ASH1L: variants seen among roughly 807,000 people sequenced by gnomAD.
ASH1L encodes ASH1 like histone lysine methyltransferase.
In ASH1L, 23 loss-of-function variants were observed where a neutral mutation model predicts 269.0. That is an observed-to-expected ratio of 0.09 (90% CI 0.06 to 0.12). ASH1L has a LOEUF of 0.12. ASH1L is among the 10% of genes least tolerant of loss of function. ASH1L has a pLI of 1.00. For synonymous variants in ASH1L, 1,187 were observed against 1,253.5 expected (o/e 0.95, Z 1.12); for missense variants, 2,912 against 3,567.8 (o/e 0.82, Z 4.68).
chr1:155,429,444 T>C (rs950979737), intron 5 of ASH1L, among the ~76,000 whole-genome samples: 7 of 152,084 alleles, frequency 4.6e-5, no homozygotes, highest in Non-Finnish European at 1.0e-4. Flanking sequence ...GGCTAACTTT[T>C]TGTATTCTTA....
chr1:155,527,655 G>A (rs1669357402), intron 1 of ASH1L, among the ~76,000 whole-genome samples: 1 of 149,492 alleles, frequency 6.7e-6, no homozygotes, highest in African/African-American at 2.5e-5. Context: ...TCCTGCCTCA[G>A]ACCCCAAGTA....
intron 7 of ASH1L, among the ~76,000 whole-genome samples, chr1:155,389,383 A>C (rs1657711744): frequency 6.6e-6 from 1 of 152,016 alleles, no homozygotes; most frequent in Non-Finnish European, 1.5e-5. Context: ...TTAAGACTTT[A>C]AAAAAGAGGC....
chr1:155,433,619 G>A (rs1381005772), intron 5 of ASH1L: 18 of 1,608,714 alleles, frequency 1.1e-5, no homozygotes, highest in South Asian at 7.8e-5. Flanking sequence ...GAAAGAACTC[G>A]AACAATTTGC....
chr1:155,534,472 T>C (rs570125034), intron 1 of ASH1L, among the ~76,000 whole-genome samples: 26 of 151,630 alleles, frequency 1.7e-4, no homozygotes, highest in African/African-American at 5.8e-4. Context: ...AAATGGTAAA[T>C]GGTATGGTGG....
intron 7 of ASH1L, among the ~76,000 whole-genome samples, chr1:155,383,441 C>G (rs2148453161): frequency 6.6e-6 from 1 of 152,120 alleles, no homozygotes; most frequent in Non-Finnish European, 1.5e-5. Context: ...TTTACTGTAC[C>G]TTTTCTACAT....
intron 5 of ASH1L, among the ~76,000 whole-genome samples, chr1:155,422,490 TA>T (rs1459267193): frequency 6.6e-6 from 1 of 151,500 alleles, no homozygotes. Flanking sequence ...TCAGATGATT[TA>T]CATGCCTCTG....
chr1:155,384,981 G>A (rs1657301134), intron 7 of ASH1L, among the ~76,000 whole-genome samples: 1 of 151,766 alleles, frequency 6.6e-6, no homozygotes, highest in African/African-American at 2.4e-5. Context: ...TGTATACGCT[G>A]AGTAATATGT....
At chr1:155,440,874 A>G (rs977210092) in intron 4 of ASH1L, among the ~76,000 whole-genome samples, 6 of 152,172 alleles carry the variant, frequency 3.9e-5, no homozygotes, top group African/African-American at 1.4e-4. Flanking sequence ...TCCTCCATCC[A>G]GATTCCCTAC....
chr1:155,429,391 G>C (rs903899327), intron 5 of ASH1L, among the ~76,000 whole-genome samples: 2 of 152,008 alleles, frequency 1.3e-5, no homozygotes, highest in African/African-American at 4.8e-5. Context: ...CTCCCACTTG[G>C]CTTCCTGAGT....
intron 3 of ASH1L, among the ~76,000 whole-genome samples, chr1:155,461,032 A>G (rs536355017): frequency 6.6e-6 from 1 of 152,200 alleles, no homozygotes; most frequent in Non-Finnish European, 1.5e-5. Context: ...AAAAACTAGT[A>G]ATCTGAAATG....
intron 2 of ASH1L, among the ~76,000 whole-genome samples, chr1:155,501,542 T>C (rs1320925527): frequency 2.0e-5 from 3 of 152,174 alleles, no homozygotes; most frequent in Admixed American, 2.0e-4. Flanking sequence ...GGCTAATTTT[T>C]ATATTTTTAG....
At position 155,480,618 on chromosome 1, in the gene ASH1L, G is replaced by A. The variant is rs777681770; in HGVS notation, c.2252C>T (p.Ser751Leu). The change falls in exon 3 of 28, where the codon TCA becomes TTA. Residue 751 changes from serine to leucine, a missense_variant. Ser to Leu is a moderately radical substitution (Grantham distance 145). This residue lies in a region of ASH1L where 715 missense variants were observed against 721.0 expected (regional missense o/e 0.99). Transcript: ENST00000392403. Reference sequence around the variant, plus strand: ...CTTGGCTGGCTCAGAATTACTATTTGATAGTGAGCTACATGAAACGTTTTT... The same window carrying A: ...CTTGGCTGGCTCAGAATTACTATTTAATAGTGAGCTACATGAAACGTTTTT... ...LFKNVSCSSL[S>L]NSNSEPAKFM... 3 of 1,614,112 alleles carry A rather than the reference G, an allele frequency of 1.9e-6. No individual in the cohort carries two copies. Among genetic ancestry groups the A allele is most frequent in the Admixed American group, 3.3e-5 (2 of 60,014 alleles).
In ASH1L at chr1:155,483,625, A is replaced by G. The variant is rs79168654; in HGVS notation, c.421-1176T>C. ...TGCATTTAACTACATCCTTTGACCC[A>G]GAAATCCTACTTTGAGGGTCTACCC... On this transcript the variant is annotated intron_variant, in intron 2 of 27. Coordinates refer to ENST00000392403, the MANE Select transcript of ASH1L (RefSeq NM_018489.3). 7.2e-3 allele frequency among the ~76,000 whole-genome samples: 1,102 copies of G among 152,206 alleles called. 15 individuals are homozygous for G. Among genetic ancestry groups the G allele is most frequent in the African/African-American group, 0.025 (1,048 of 41,558 alleles).
Position 155,403,786 on chromosome 1 carries a change from G to T in ASH1L, c.6009-8233C>A, listed in dbSNP as rs191096375. Among the ~76,000 whole-genome samples the T allele has an allele frequency of 2.3e-3, 355 of 151,912 alleles. 1 individual carries two copies. The highest frequency in any genetic ancestry group is 7.9e-3 in the African/African-American group (328 of 41,422). On this transcript the variant is annotated intron_variant, in intron 6 of 27. Transcript: ENST00000392403. Reference sequence around the variant, plus strand: ...TTGTGTGTGGGAGAGCTTTTCTAATGACTTGAAATACAGAAGCTTTTTTTG... The same window carrying T: ...TTGTGTGTGGGAGAGCTTTTCTAATTACTTGAAATACAGAAGCTTTTTTTG...
intron 5 of ASH1L, among the ~76,000 whole-genome samples, chr1:155,438,038 AG>A (rs1662238509): frequency 1.3e-5 from 2 of 152,042 alleles, no homozygotes; most frequent in South Asian, 2.1e-4. Flanking sequence ...TAGTAGAGAA[AG>A]GGTTTACCAT....
intron 5 of ASH1L, among the ~76,000 whole-genome samples, chr1:155,421,596 G>A (rs560513236): frequency 7.3e-5 from 11 of 151,404 alleles, no homozygotes; most frequent in East Asian, 1.9e-4. Flanking sequence ...GCATGAACCC[G>A]GGAGGCAGAG....
chr1:155,498,206 AG>A (rs1168097130), intron 2 of ASH1L, among the ~76,000 whole-genome samples: 1 of 152,142 alleles, frequency 6.6e-6, no homozygotes, highest in Non-Finnish European at 1.5e-5. Context: ...AAAACAGAAT[AG>A]TGGTTGCCAG....
chr1:155,506,721 A>T (rs1161067938), intron 2 of ASH1L, among the ~76,000 whole-genome samples: 2 of 152,142 alleles, frequency 1.3e-5, no homozygotes, highest in African/African-American at 4.8e-5. Context: ...AAGAAACATT[A>T]ATCTACCAGT....
Position 155,479,537 on chromosome 1 carries a change from A to C in ASH1L, c.3333T>G (p.Ser1111=). The C allele has an allele frequency of 1.2e-6, 2 of 1,614,228 alleles. No homozygotes were observed. Among genetic ancestry groups the C allele is most frequent in the Non-Finnish European group, 1.7e-6 (2 of 1,180,036 alleles). Residue 1111 remains serine, a synonymous_variant, in exon 3 of 28, where the codon TCT becomes TCG. Transcript: ENST00000392403. The part of the protein sequence containing the change: ...EILPSPICSQ[S]SGTSGGQSPV... ...GGCTCTGACCTCCACTAGTCCCAGA[A>C]GACTGAGAGCAAATAGGTGATGGAA...
Sources: allele counts gnomAD v4.1 joint callset (sites outside exome capture counted in the v4.1 genomes callset), GRCh38; gene constraint gnomAD v4.1.1; regional missense constraint gnomAD v4.1.1; transcripts MANE v1.5; gene names NCBI Gene and HGNC (gene_info 2026-07-23, HGNC 2026-07-21).